Variants in CMPK1 observed in about 807,000 individuals in gnomAD.
The protein encoded by CMPK1 is cytidine/uridine monophosphate kinase 1.
In CMPK1, 10 loss-of-function variants were observed where a neutral mutation model predicts 25.7. That is an observed-to-expected ratio of 0.39 (90% CI 0.24 to 0.66). The LOEUF is 0.66. CMPK1 is among the 30% of genes least tolerant of loss of function. The pLI, the probability that CMPK1 is intolerant of heterozygous loss-of-function variation, is 0.48. For synonymous variants in CMPK1, 106 were observed against 101.5 expected, an observed-to-expected ratio of 1.04 and a Z score of -0.27; for missense variants, 199 against 280.5, an observed-to-expected ratio of 0.71 and a Z score of 2.08.
chr1:47,372,046 G>C (rs1646680449), intron 2 of CMPK1, among the ~76,000 whole-genome samples: 1 of 150,632 alleles, frequency 6.6e-6, no homozygotes, highest in African/African-American at 2.4e-5. Flanking sequence ...ATCCTCTTCT[G>C]TTAGTCTCTT....
intron 2 of CMPK1, among the ~76,000 whole-genome samples, chr1:47,370,504 G>A (rs1646671154): frequency 6.6e-6 from 1 of 151,062 alleles, no homozygotes; most frequent in African/African-American, 2.4e-5. Context: ...AGCCAAGTGT[G>A]GTGGCACACA....
chr1:47,342,283 T>C (rs766428178), intron 1 of CMPK1, among the ~76,000 whole-genome samples: 36 of 151,942 alleles, frequency 2.4e-4, no homozygotes, highest in Middle Eastern at 3.2e-3. Flanking sequence ...GGTTTCACCA[T>C]GTTGGCCAGG....
intron 1 of CMPK1, 51 bp downstream of exon 1, chr1:47,334,167 C>G: frequency 1.5e-6 from 2 of 1,347,298 alleles, no homozygotes; most frequent in Non-Finnish European, 1.9e-6. Context: ...GGATGCGGGC[C>G]GGCCTGTCCC....
At chr1:47,348,445 G>C (rs992493874) in intron 1 of CMPK1, among the ~76,000 whole-genome samples, 8 of 152,178 alleles carry the variant, frequency 5.3e-5, no homozygotes, top group African/African-American at 1.7e-4. Context: ...TAGGGAACAG[G>C]TGTGACAGAC....
At chr1:47,369,047 A>G (rs1348668247) in intron 2 of CMPK1, among the ~76,000 whole-genome samples, 3 of 152,238 alleles carry the variant, frequency 2.0e-5, no homozygotes, top group African/African-American at 7.2e-5. Flanking sequence ...TTTGTCACCC[A>G]CGCTGGTGTG....
intron 1 of CMPK1, among the ~76,000 whole-genome samples, chr1:47,362,698 A>G (rs1004874381): frequency 9.2e-5 from 14 of 152,234 alleles, no homozygotes; most frequent in Non-Finnish European, 1.9e-4. Context: ...CTTTCTACTT[A>G]AGAAAATATT....
chr1:47,358,054 G>A (rs1217242290), intron 1 of CMPK1, among the ~76,000 whole-genome samples: 1 of 141,296 alleles, frequency 7.1e-6, no homozygotes, highest in Non-Finnish European at 1.5e-5. Context: ...TAACCTGTAT[G>A]AGTTTGTCTA....
At chr1:47,339,700 CCTTTT>C (rs1646424897) in intron 1 of CMPK1, among the ~76,000 whole-genome samples, 1 of 113,934 alleles carries the variant, frequency 8.8e-6, no homozygotes, top group Non-Finnish European at 1.9e-5. Flanking sequence ...TTCTTCCTTT[CCTTTT>C]TTTTTTTTTT....
intron 1 of CMPK1, among the ~76,000 whole-genome samples, chr1:47,349,301 T>G (rs1334312813): frequency 6.6e-6 from 1 of 152,210 alleles, no homozygotes; most frequent in Non-Finnish European, 1.5e-5. Context: ...TGTGGAATAA[T>G]AGAGTTATTG....
At chr1:47,340,544 T>C (rs1249121803) in intron 1 of CMPK1, among the ~76,000 whole-genome samples, 1 of 152,150 alleles carries the variant, frequency 6.6e-6, no homozygotes, top group East Asian at 1.9e-4. Context: ...CATTACAAAT[T>C]CTCAAACAGA....
At chr1:47,336,315 G>C in intron 1 of CMPK1, among the ~76,000 whole-genome samples, 1 of 152,114 alleles carries the variant, frequency 6.6e-6, no homozygotes. Flanking sequence ...TAGGCCCAGA[G>C]ATGTTGTTGC....
At chr1:47,349,725 T>C (rs571745237) in intron 1 of CMPK1, among the ~76,000 whole-genome samples, 1 of 152,342 alleles carries the variant, frequency 6.6e-6, no homozygotes, top group African/African-American at 2.4e-5. Flanking sequence ...AATGTGCTAT[T>C]AGGGCCAACT....
At chr1:47,335,721 TAA>T (rs1221620977) in intron 1 of CMPK1, among the ~76,000 whole-genome samples, 10 of 151,982 alleles carry the variant, frequency 6.6e-5, no homozygotes, top group Non-Finnish European at 1.2e-4. Flanking sequence ...TACATCCTCT[TAA>T]AAAAATTTTT....
chr1:47,373,258 G>A, intron 3 of CMPK1, 151 bp downstream of exon 3: 4 of 563,508 alleles, frequency 7.1e-6, no homozygotes, highest in East Asian at 6.6e-5. Context: ...CTGTCTTGCT[G>A]TTGGAGTATT....
chr1:47,374,969 G>C lies in CMPK1; in HGVS notation c.532G>C (p.Glu178Gln). 2 of 1,612,792 alleles carry C rather than the reference G, an allele frequency of 1.2e-6. No individual in the cohort carries two copies. Among genetic ancestry groups the C allele is most frequent in the Non-Finnish European group, 1.7e-6 (2 of 1,179,362 alleles). The change falls in exon 4 of 6, where the codon GAG (glutamate) becomes CAG (glutamine). Residue 178 changes from glutamate to glutamine, a missense_variant. By Grantham distance (29) the Glu-to-Gln change is conservative (BLOSUM62 2). This residue lies in a region of CMPK1 where 140 missense variants were observed against 235.5 expected (regional missense o/e 0.59). Coordinates refer to ENST00000371873, the MANE Select transcript of CMPK1 (RefSeq NM_016308.3). ...TAGTGGTAGGAGTGATGACAACAGA[G>C]AGAGCTTGGAAAAGAGGTACTTGGC... The part of the protein sequence containing the change: ...KSSGRSDDNR[E>Q]SLEKRIQTYL...
At chr1:47,356,904 G>C (rs1460487572) in intron 1 of CMPK1, among the ~76,000 whole-genome samples, 2 of 150,704 alleles carry the variant, frequency 1.3e-5, no homozygotes, top group Non-Finnish European at 2.9e-5. Context: ...CAAGTGATCC[G>C]CATGCCTTCA....
At chr1:47,354,520 C>T (rs10789507) in intron 1 of CMPK1, among the ~76,000 whole-genome samples, 39,002 of 151,554 alleles carry the variant, frequency 0.26, 6,197 homozygotes, top group East Asian at 0.54. Context: ...TGCGTGCGTG[C>T]CTTTCTGGAT....
At chr1:47,363,014 G>A (rs1646614263) in intron 1 of CMPK1, among the ~76,000 whole-genome samples, 1 of 152,154 alleles carries the variant, frequency 6.6e-6, no homozygotes, top group Admixed American at 6.6e-5. Flanking sequence ...TACAGTCAAA[G>A]GAAAGTAAGT....
intron 1 of CMPK1, chr1:47,358,841 T>A (rs1199524057): frequency 1.0e-6 from 1 of 983,266 alleles, no homozygotes; most frequent in Admixed American, 6.2e-5. Flanking sequence ...TGTTGATTCT[T>A]AAATTCAAAT....
Sources: allele counts gnomAD v4.1 joint callset (sites outside exome capture counted in the v4.1 genomes callset), GRCh38; gene constraint gnomAD v4.1.1; regional missense constraint gnomAD v4.1.1; transcripts MANE v1.5; gene names NCBI Gene and HGNC (gene_info 2026-07-23, HGNC 2026-07-21).